Variants in NBR1 observed in about 807,000 individuals in gnomAD.
NBR1 encodes next to BRCA1 gene 1 protein.
A neutral mutation model predicts 115.5 loss-of-function variants in NBR1; 59 were observed. The ratio of observed to expected loss-of-function variants is 0.51; its 90% CI spans 0.41 to 0.63. NBR1 has a LOEUF of 0.63. NBR1 is among the 30% of genes least tolerant of loss of function. NBR1 has a pLI of 0.00. For synonymous variants in NBR1, 373 were observed against 414.7 expected (o/e 0.90, Z 1.22); for missense variants, 1,043 against 1,150.5 (o/e 0.91, Z 1.35).
chr17:43,201,174 C>G (rs2057189775), intron 17 of NBR1, among the ~76,000 whole-genome samples: 2 of 152,226 alleles, frequency 1.3e-5, no homozygotes, highest in South Asian at 4.1e-4. Context: ...TGGCTGAGAG[C>G]CAGTTTTTAA....
rs1304296747 is a variant in NBR1, at chr17:43,204,831, A to AAAG, written c.2727+1045_2727+1046insAAG. Among the ~76,000 whole-genome samples the AAAG allele has an allele frequency of 3.4e-3, 503 of 148,862 alleles. 1 individual carries two copies. Among genetic ancestry groups the AAAG allele is most frequent in the Non-Finnish European group, 6.3e-3 (420 of 67,030 alleles). The stretch of plus-strand genomic sequence containing the variant: ...TCCATCTTAAAAAAAAAAAAAAAAA[A>AAAG]GTATGATGGCATGCACCTACAGTCC... On this transcript the variant is annotated intron_variant, in intron 20 of 20. Transcript: ENST00000590996.
intron 5 of NBR1, among the ~76,000 whole-genome samples, chr17:43,182,763 C>CT (rs1215143818): frequency 6.6e-6 from 1 of 151,364 alleles, no homozygotes; most frequent in Non-Finnish European, 1.5e-5. Flanking sequence ...CCATTGAATG[C>CT]TTTTTTTCTT....
At chr17:43,178,217 T>TAA (rs377016401) in intron 3 of NBR1, among the ~76,000 whole-genome samples, 1 of 142,928 alleles carries the variant, frequency 7.0e-6, no homozygotes. Flanking sequence ...AACTTTCACT[T>TAA]AAAAAAAAAA....
Position 43,189,030 on chromosome 17 carries a change from G to C in NBR1, c.403-12G>C. ...AGTAACCTCTAACATCTCGGCTTGT[G>C]TTTTCTCCCAGTCGTTTCCACTTGT... On this transcript the variant is annotated splice_polypyrimidine_tract_variant and intron_variant, in intron 6 of 20. Coordinates refer to ENST00000590996, the MANE Select transcript of NBR1 (RefSeq NM_005899.5). 4.4e-6 allele frequency: 7 copies of C among 1,597,276 alleles called. No homozygotes were observed. Among genetic ancestry groups the C allele is most frequent in the Non-Finnish European group, 6.0e-6 (7 of 1,164,684 alleles).
chr17:43,181,982 C>T (rs2154582016), intron 5 of NBR1, among the ~76,000 whole-genome samples: 1 of 151,546 alleles, frequency 6.6e-6, no homozygotes, highest in Non-Finnish European at 1.5e-5. Context: ...GAAACTCCAT[C>T]TCAAAGACAA....
intron 2 of NBR1, among the ~76,000 whole-genome samples, chr17:43,176,905 A>C (rs2056530265): frequency 6.6e-6 from 1 of 152,102 alleles, no homozygotes; most frequent in Non-Finnish European, 1.5e-5. Flanking sequence ...TCTTTGGGTA[A>C]CCAATGTTAA....
At chr17:43,193,832 G>A (rs1185044440) in intron 12 of NBR1, among the ~76,000 whole-genome samples, 194 bp downstream of exon 12, 1 of 152,052 alleles carries the variant, frequency 6.6e-6, no homozygotes, top group Non-Finnish European at 1.5e-5. Context: ...GCGTCTTTAG[G>A]GTCTTGCTGC....
At chr17:43,170,895 C>T (rs2056337412), upstream of NBR1, 1 of 152,244 alleles carries the variant, frequency 6.6e-6, no homozygotes, top group Non-Finnish European at 1.5e-5. Flanking sequence ...CCTAGGAAGA[C>T]TACGATTCCC....
At chr17:43,203,838 A>C in intron 20 of NBR1, 52 bp downstream of exon 20, 3 of 1,121,808 alleles carry the variant, frequency 2.7e-6, no homozygotes, top group South Asian at 1.4e-5. Flanking sequence ...TCACCAGTGA[A>C]AGTGATGGCA....
intron 20 of NBR1, among the ~76,000 whole-genome samples, chr17:43,206,654 C>CAA (rs34734420): frequency 2.2e-5 from 2 of 89,996 alleles, no homozygotes; most frequent in East Asian, 3.3e-4. Context: ...GACTCCGTCT[C>CAA]AAAAAAAAAA....
In NBR1 at chr17:43,211,631, ATGTACT is replaced by A. The variant is rs1476550690; in HGVS notation, c.*1563_*1568del. On this transcript the variant is annotated 3_prime_UTR_variant, in exon 21 of 21. Coordinates refer to ENST00000590996, the MANE Select transcript of NBR1 (RefSeq NM_005899.5). Reference sequence around the variant, plus strand: ...GCCCGGGTTGCTCTCCTGGTTATGTATGTACTTGTACATAACCACCTAAAGAATGGT... The same window carrying A: ...GCCCGGGTTGCTCTCCTGGTTATGTATGTACATAACCACCTAAAGAATGGT... 3.3e-5 allele frequency: 5 copies of A among 152,210 alleles called. No individual in the cohort carries two copies. Among genetic ancestry groups the A allele is most frequent in the African/African-American group, 1.2e-4 (5 of 41,426 alleles). The allele number at this position is 152,210 out of a possible 1,614,324, so 9.4% of individuals were successfully genotyped here.
Position 43,191,531 on chromosome 17 carries a change from C to T in NBR1, c.1023C>T (p.Pro341=), listed in dbSNP as rs761982665. Residue 341 remains proline (P), a synonymous_variant, in exon 10 of 21, where the codon CCC becomes CCT. Transcript: ENST00000590996. ...LWNSIHGLQS[P]KSPLGRPESL... is the part of the protein sequence containing the mutation. ...ATTCAATCCATGGACTCCAGAGCCC[C>T]AAGTCTCCTTTAGGCCGACCTGAGA... 3 of 1,613,244 alleles carry T rather than the reference C, an allele frequency of 1.9e-6. No individual in the cohort carries two copies. Among genetic ancestry groups the T allele is most frequent in the Admixed American group, 3.3e-5 (2 of 59,900 alleles).
chr17:43,202,424 G>C (rs1235117566), intron 18 of NBR1, among the ~76,000 whole-genome samples: 1 of 151,408 alleles, frequency 6.6e-6, no homozygotes, highest in Non-Finnish European at 1.5e-5. Flanking sequence ...TAGGATTATA[G>C]AGTTGATTTT....
chr17:43,182,505 G>A (rs892354041), intron 5 of NBR1, among the ~76,000 whole-genome samples: 1 of 151,610 alleles, frequency 6.6e-6, no homozygotes, highest in African/African-American at 2.4e-5. Flanking sequence ...ACAGGCATGA[G>A]CCACTGTGCA....
rs547791814 is a variant in NBR1, at chr17:43,200,830, C to A, written c.2468+222C>A. 8.1e-5 allele frequency among the ~76,000 whole-genome samples: 12 copies of A among 148,636 alleles called. No individual in the cohort carries two copies. The East Asian group carries it at 1.4e-3, about 17-fold the overall frequency. On this transcript the variant is annotated intron_variant, in intron 17 of 20. Transcript: ENST00000590996. ...TGGCCTTAAATTATCTGAGTATAGT[C>A]TGTCTGCTTATATTTTGATTATTGA...
intron 1 of NBR1, among the ~76,000 whole-genome samples, chr17:43,172,382 A>C (rs2056398267): frequency 6.6e-6 from 1 of 152,238 alleles, no homozygotes; most frequent in African/African-American, 2.4e-5. Flanking sequence ...GGAGCTCCAG[A>C]GTATCTAAAT....
intron 1 of NBR1, among the ~76,000 whole-genome samples, chr17:43,173,957 A>G (rs2056442793): frequency 6.6e-6 from 1 of 152,096 alleles, no homozygotes; most frequent in South Asian, 2.1e-4. Flanking sequence ...AGTCATAAAA[A>G]CCAGTTAAAC....
rs560161969 is a variant in NBR1 at position 43,197,566 on chromosome 17, C to T, written c.2026+460C>T. On this transcript the variant is annotated intron_variant, in intron 16 of 20. Coordinates refer to ENST00000590996, the MANE Select transcript of NBR1 (RefSeq NM_005899.5). The stretch of plus-strand genomic sequence containing the variant: ...ATCTTGTTTGTGTCTTTAGACTCTA[C>T]GTATGCTACCTGACTGTTCTAATTA... 1.3e-4 allele frequency among the ~76,000 whole-genome samples: 20 copies of T among 152,008 alleles called. No individual in the cohort carries two copies. The South Asian group carries it at 3.9e-3, about 30-fold the overall frequency.
At chr17:43,198,231 C>G (rs1022780735) in intron 16 of NBR1, among the ~76,000 whole-genome samples, 3 of 151,564 alleles carry the variant, frequency 2.0e-5, no homozygotes, top group African/African-American at 4.8e-5. Context: ...TAGATAGAAC[C>G]AATAGCATAT....
Sources: allele counts gnomAD v4.1 joint callset (sites outside exome capture counted in the v4.1 genomes callset), GRCh38; gene constraint gnomAD v4.1.1; transcripts MANE v1.5; gene names NCBI Gene and HGNC (gene_info 2026-07-23, HGNC 2026-07-21).